Variants in COL4A5 observed in about 807,000 individuals in gnomAD.
COL4A5 encodes collagen alpha-5(IV) chain.
Under a neutral mutation model 130.2 loss-of-function variants are expected in COL4A5, and 26 were observed. The observed-to-expected ratio is 0.20, with a 90% CI of 0.15 to 0.28. The LOEUF (loss-of-function observed/expected upper bound fraction) is 0.28, where lower values mean the gene tolerates loss of function less well. Ranked by LOEUF, COL4A5 falls within the 10% of genes least tolerant of loss-of-function variation. The pLI is 1.00. For synonymous variants in COL4A5, 496 were observed against 439.6 expected (o/e 1.13, Z -1.60); for missense variants, 1,131 against 1,344.3 (o/e 0.84, Z 2.48).
intron 38 of COL4A5, among the ~76,000 whole-genome samples, chrX:108,665,937 A>T (rs770359520): frequency 2.7e-5 from 3 of 110,881 alleles, no homozygotes; most frequent in Non-Finnish European, 3.8e-5. Flanking sequence ...CTGTAATCCC[A>T]GCTACTTCGG....
chrX:108,614,272 C>T (rs775120706), intron 29 of COL4A5, among the ~76,000 whole-genome samples: 98 of 111,750 alleles, frequency 8.8e-4, no homozygotes, highest in African/African-American at 3.0e-3. Context: ...GATGTGGGGA[C>T]GAGTTGACTA....
intron 16 of COL4A5, among the ~76,000 whole-genome samples, chrX:108,581,574 T>C (rs941737057): frequency 1.8e-5 from 2 of 111,041 alleles, no homozygotes; most frequent in African/African-American, 6.5e-5. Context: ...AACCCCCTTA[T>C]AACGACTGAT....
At chrX:108,594,455 T>G (rs922160346) in intron 21 of COL4A5, among the ~76,000 whole-genome samples, 1 of 111,588 alleles carries the variant, frequency 9.0e-6, no homozygotes, top group Admixed American at 9.6e-5. Context: ...AAACTTAAGT[T>G]ATAACATGTT....
intron 36 of COL4A5, among the ~76,000 whole-genome samples, chrX:108,646,501 T>C (rs2067592760): frequency 9.0e-6 from 1 of 111,257 alleles, no homozygotes; most frequent in Non-Finnish European, 1.9e-5. Flanking sequence ...GATGAGTAGA[T>C]TGCAAAAATT....
At chrX:108,695,196 A>T in intron 51 of COL4A5, 71 bp from the exon 52 acceptor site, 1 of 1,170,860 alleles carries the variant, frequency 8.5e-7, no homozygotes, top group Middle Eastern at 3.3e-4. Context: ...AGCTCAGCAC[A>T]CATCTTTGGA....
intron 28 of COL4A5, 39 bp from the exon 29 acceptor site, chrX:108,606,703 T>C: frequency 8.3e-7 from 1 of 1,204,260 alleles, no homozygotes; most frequent in Non-Finnish European, 1.1e-6. Context: ...AGAAAAGTCA[T>C]GGGAGTTTTT....
intron 1 of COL4A5, among the ~76,000 whole-genome samples, chrX:108,443,273 T>G (rs1256813895): frequency 8.9e-6 from 1 of 112,454 alleles, no homozygotes; most frequent in African/African-American, 3.2e-5. Flanking sequence ...AAGCAAATGC[T>G]GTTGAAGGTT....
chrX:108,648,637 T>C (rs2067659140), intron 36 of COL4A5, among the ~76,000 whole-genome samples: 1 of 111,094 alleles, frequency 9.0e-6, no homozygotes, highest in Non-Finnish European at 1.9e-5. Context: ...AAAACAAAAG[T>C]CACACGATCA....
chrX:108,645,628 G>T (rs1212477486), intron 36 of COL4A5, among the ~76,000 whole-genome samples: 1 of 107,849 alleles, frequency 9.3e-6, no homozygotes, highest in African/African-American at 3.4e-5. Flanking sequence ...TGTGCACAAT[G>T]TGCAGGTTTG....
At chrX:108,646,195 T>A (rs1366813984) in intron 36 of COL4A5, among the ~76,000 whole-genome samples, 5 of 111,609 alleles carry the variant, frequency 4.5e-5, no homozygotes, top group Admixed American at 3.8e-4. Context: ...CAGTCCCACC[T>A]ACAGTGTAAA....
intron 36 of COL4A5, among the ~76,000 whole-genome samples, chrX:108,647,615 T>G (rs891914824): frequency 6.3e-5 from 7 of 111,521 alleles, no homozygotes; most frequent in Admixed American, 9.6e-5. Flanking sequence ...CTTCCAACAC[T>G]AAGTTGAATA....
At chrX:108,568,043 A>G (rs1309722360) in intron 4 of COL4A5, among the ~76,000 whole-genome samples, 1 of 112,135 alleles carries the variant, frequency 8.9e-6, no homozygotes, top group Non-Finnish European at 1.9e-5. Context: ...GGGTATCTTC[A>G]GGACAGATTC....
intron 36 of COL4A5, among the ~76,000 whole-genome samples, chrX:108,650,328 A>G (rs2067698650): frequency 9.0e-6 from 1 of 111,604 alleles, no homozygotes; most frequent in Non-Finnish European, 1.9e-5. Flanking sequence ...GCTGGTGGGA[A>G]TGTAAACTAG....
At chrX:108,687,024 C>G (rs1488564137) in intron 48 of COL4A5, among the ~76,000 whole-genome samples, 1 of 112,133 alleles carries the variant, frequency 8.9e-6, no homozygotes, top group Non-Finnish European at 1.9e-5. Flanking sequence ...GAACTCAAAC[C>G]AAGAGGCTAA....
rs372234708 is a variant in COL4A5 at position 108,502,258 on chromosome X, AGTTTTGTTTTGTTTT to A, written c.82-37462_82-37448del. 4.3e-3 allele frequency among the ~76,000 whole-genome samples: 468 copies of A among 108,840 alleles called. 5 individuals are homozygous for A. Among genetic ancestry groups the A allele is most frequent in the African/African-American group, 0.015 (446 of 28,822 alleles). 94.5% of individuals were successfully genotyped at this position (108,840 alleles called of 115,157 possible). ...CACATCAGGTATGCTGGAAGGTAATAGTTTTGTTTTGTTTTGTTTTGTTTTGTTTTGTTTTGTTTT... is the reference window on the plus strand; with the variant it reads ...CACATCAGGTATGCTGGAAGGTAATAGTTTTGTTTTGTTTTGTTTTGTTTT... On this transcript the variant is annotated intron_variant, in intron 1 of 52. Transcript: ENST00000328300.
In COL4A5 at chrX:108,463,534, A is replaced by G. The variant is rs1269038140; in HGVS notation, c.81+23328A>G. On this transcript the variant is annotated intron_variant, in intron 1 of 52. Coordinates refer to ENST00000328300, the MANE Select transcript of COL4A5 (RefSeq NM_033380.3). ...TAACGCTTTTAGGGTTTTACTGAAG[A>G]AAGGATGTAGATTTTCTGATTCTGT... is the stretch of plus-strand genomic sequence containing the variant. Among the ~76,000 whole-genome samples the G allele has an allele frequency of 4.5e-5, 5 of 111,422 alleles. No homozygotes were observed. In the East Asian group the frequency reaches 1.4e-3, roughly 31 times the overall value.
At chrX:108,629,255 C>T (rs1271973912) in intron 36 of COL4A5, among the ~76,000 whole-genome samples, 1 of 111,466 alleles carries the variant, frequency 9.0e-6, no homozygotes, top group East Asian at 2.8e-4. Flanking sequence ...ATAGTAGGGG[C>T]TTTTACTCCT....
intron 1 of COL4A5, among the ~76,000 whole-genome samples, chrX:108,450,863 A>G (rs909675824): frequency 9.1e-6 from 1 of 109,855 alleles, no homozygotes; most frequent in Non-Finnish European, 1.9e-5. Context: ...TTTTATTATT[A>G]TTATACTTTA....
At chrX:108,678,021 G>A (rs966632026) in intron 44 of COL4A5, among the ~76,000 whole-genome samples, 1 of 111,762 alleles carries the variant, frequency 8.9e-6, no homozygotes, top group East Asian at 2.8e-4. Flanking sequence ...GATAAAGTTA[G>A]GGTCAAATGT....
Sources: allele counts gnomAD v4.1 joint callset (sites outside exome capture counted in the v4.1 genomes callset), GRCh38; gene constraint gnomAD v4.1.1; transcripts MANE v1.5; gene names NCBI Gene and HGNC (gene_info 2026-07-23, HGNC 2026-07-21).